TERT: variants seen among roughly 807,000 people sequenced by gnomAD.
TERT encodes telomerase catalytic subunit.
In TERT, 42 loss-of-function variants were observed where a neutral mutation model predicts 104.0. That is an observed-to-expected ratio of 0.40 (90% confidence interval 0.32 to 0.52). The LOEUF (loss-of-function observed/expected upper bound fraction) is 0.52. TERT is among the 20% of genes least tolerant of loss of function. The pLI is 0.43. For missense variants in TERT, 1,101 were observed against 1,610.3 expected, an observed-to-expected ratio of 0.68 and a Z score of 5.41; for synonymous variants, 781 against 725.6, an observed-to-expected ratio of 1.08 and a Z score of -1.23.
rs1030548323 is a variant in TERT, at chr5:1,274,783, C to T, written c.2287-2503G>A. Among the ~76,000 whole-genome samples the T allele has an allele frequency of 6.6e-6, 1 of 152,208 alleles. No homozygotes were observed. The highest frequency in any genetic ancestry group is 1.5e-5 in the Non-Finnish European group (1 of 68,046). On this transcript the variant is annotated intron_variant, in intron 6 of 15. Transcript: ENST00000310581. The surrounding 1 kb of genome is among the most constrained non-coding windows in gnomAD (Gnocchi z 5.3). ...CGGGATCCCTGCTTTAGAGGGAAAA[C>T]GGCAACTTCAGATGCTTGTTTAGAA...
In TERT at chr5:1,258,645, C is replaced by G; in HGVS notation, c.2985G>C (p.Gln995His). ...LFLDLQVNSL[Q>H]TVCTNIYKIL... ...TCTTGTAGATGTTGGTGCACACCGT[C>G]TGGAGGCTGTTCACCTAGAGTCGCC... Residue 995 changes from glutamine to histidine, a missense_variant, in exon 13 of 16, where the codon CAG becomes CAC. Transcript: ENST00000310581. The G allele has an allele frequency of 6.4e-7, 1 of 1,570,152 alleles. No homozygotes were observed. Among genetic ancestry groups the G allele is most frequent in the Non-Finnish European group, 8.6e-7 (1 of 1,156,678 alleles).
At position 1,255,506 on chromosome 5, in the gene TERT, A is replaced by G. The variant is rs1001065909; in HGVS notation, c.3033-95T>C. 16 of 1,502,108 alleles carry G rather than the reference A, an allele frequency of 1.1e-5. No homozygotes were observed. The African/African-American group carries it at 1.6e-4, about 15-fold the overall frequency. The allele number at this position is 1,502,108 out of a possible 1,614,324, so 93.0% of individuals were successfully genotyped here. ...GGCCCACCGGTGCCTGTGTGCGTGC[A>G]TGAATGCACATGCATGGGTTTCCTC... On this transcript the variant is annotated intron_variant, in intron 13 of 15. Coordinates refer to ENST00000310581, the MANE Select transcript of TERT (RefSeq NM_198253.3). The surrounding 1 kb of genome is among the most constrained non-coding windows in gnomAD (Gnocchi z 6.9).
At chr5:1,259,598 T>TGC (rs1748049315) in intron 12 of TERT, among the ~76,000 whole-genome samples, 9 of 71,608 alleles carry the variant, frequency 1.3e-4, no homozygotes, top group Admixed American at 1.9e-4. Flanking sequence ...GGAGTGGACA[T>TGC]GGATGCCCAC....
At chr5:1,281,935 A>G (rs1404494209) in intron 3 of TERT, among the ~76,000 whole-genome samples, 1 of 152,154 alleles carries the variant, frequency 6.6e-6, no homozygotes. Context: ...TAAAAGTACA[A>G]AAATTAGCCA....
At position 1,294,318 on chromosome 5, in the gene TERT, C is replaced by A; in HGVS notation, c.568G>T (p.Ala190Ser). 1.3e-6 allele frequency: 2 copies of A among 1,590,150 alleles called. No individual in the cohort carries two copies. Among genetic ancestry groups the A allele is most frequent in the South Asian group, 2.2e-5 (2 of 89,356 alleles). The change falls in exon 2 of 16, where the codon GCT becomes TCT. Residue 190 changes from alanine (A) to serine (S), a missense_variant. Ala to Ser is a moderately conservative substitution (Grantham distance 99). Coordinates refer to ENST00000310581, the MANE Select transcript of TERT (RefSeq NM_198253.3). ...CCCAGACGCCTTCGGGGTCCACTAG[C>A]GTGTGGCGGGGGCCGGGCCTGAGTG... ...AATQARPPPH[A>S]SGPRRRLGCE... is the part of the protein sequence containing the mutation.
Position 1,282,609 on chromosome 5 carries a change from G to C in TERT, c.1589C>G (p.Pro530Arg). Residue 530 changes from proline to arginine, a missense_variant, in exon 3 of 16, where the codon CCG becomes CGG. Physicochemically the swap from Pro to Arg is moderately radical, Grantham distance 103. Coordinates refer to ENST00000310581, the MANE Select transcript of TERT (RefSeq NM_198253.3). ...CTCACGCAGACGGTGCTCTGCGGCCGGAACACAGCCAACCCCTTAAACGAG... is the reference window on the plus strand; with the variant it reads ...CTCACGCAGACGGTGCTCTGCGGCCCGAACACAGCCAACCCCTTAAACGAG... ...LRRSPGVGCV[P>R]AAEHRLREEI... The C allele has an allele frequency of 6.2e-7, 1 of 1,613,990 alleles. No individual in the cohort carries two copies. Among genetic ancestry groups the C allele is most frequent in the Non-Finnish European group, 8.5e-7 (1 of 1,180,004 alleles).
At chr5:1,289,853 C>T (rs1253326905) in intron 2 of TERT, among the ~76,000 whole-genome samples, 9 of 93,008 alleles carry the variant, frequency 9.7e-5, no homozygotes, top group African/African-American at 4.6e-4. Context: ...GCCTCACTCA[C>T]CCTGCAAGTG....
At chr5:1,267,582 C>A (rs2126604496) in intron 9 of TERT, among the ~76,000 whole-genome samples, 1 of 152,350 alleles carries the variant, frequency 6.6e-6, no homozygotes, top group South Asian at 2.1e-4. Flanking sequence ...TTGCAACCAA[C>A]CCAAATGTCC....
chr5:1,287,366 G>T lies in TERT; in HGVS notation c.1574-4742C>A, dbSNP rs532914935. Reference sequence around the variant, plus strand: ...AATTTAAAAATTAGCCAGGTGTAGCGGTGCGTGTCTGCAGTTCCAGCTATT... The same window carrying T: ...AATTTAAAAATTAGCCAGGTGTAGCTGTGCGTGTCTGCAGTTCCAGCTATT... On this transcript the variant is annotated intron_variant, in intron 2 of 15. Transcript: ENST00000310581. This position sits in a 1 kb window ranked among gnomAD's most constrained non-coding sequence, Gnocchi z 4.3. 6.6e-6 allele frequency among the ~76,000 whole-genome samples: 1 copy of T among 151,712 alleles called. No individual in the cohort carries two copies. The highest frequency in any genetic ancestry group is 1.5e-5 in the Non-Finnish European group (1 of 67,898).
intron 6 of TERT, among the ~76,000 whole-genome samples, chr5:1,278,304 A>T (rs1749754971): frequency 1.3e-5 from 2 of 152,268 alleles, no homozygotes; most frequent in Admixed American, 1.3e-4. Context: ...ATAGACACGC[A>T]TATGTCACGG....
chr5:1,290,649 C>A (rs1371993687), intron 2 of TERT, among the ~76,000 whole-genome samples: 1 of 73,092 alleles, frequency 1.4e-5, no homozygotes, highest in East Asian at 3.4e-4. Context: ...GTGCCTCACT[C>A]ACCCTACACG....
chr5:1,254,829 G>C (rs1015868983), intron 14 of TERT, among the ~76,000 whole-genome samples: 1 of 152,204 alleles, frequency 6.6e-6, no homozygotes, highest in Non-Finnish European at 1.5e-5. Context: ...AGCAGAGGAC[G>C]GCGCGGGGCT....
chr5:1,274,329 C>T lies in TERT; in HGVS notation c.2287-2049G>A, dbSNP rs112023197. Among the ~76,000 whole-genome samples the T allele has an allele frequency of 4.5e-3, 682 of 152,302 alleles. 3 individuals carry two copies. Among genetic ancestry groups the T allele is most frequent in the African/African-American group, 0.015 (641 of 41,570 alleles). On this transcript the variant is annotated intron_variant, in intron 6 of 15. Coordinates refer to ENST00000310581, the MANE Select transcript of TERT (RefSeq NM_198253.3). This position sits in a 1 kb window ranked among gnomAD's most constrained non-coding sequence, Gnocchi z 5.3. ...AAATAGCCCATGGGTCTGAGGTCGG[C>T]GGAAAGCATCACAGAAATCCGTAAT...
chr5:1,291,843 CA>C (rs1219684746), intron 2 of TERT, among the ~76,000 whole-genome samples: 3 of 152,218 alleles, frequency 2.0e-5, no homozygotes, highest in Non-Finnish European at 4.4e-5. Flanking sequence ...CAATGACAGG[CA>C]GAGTCCTGAT....
At chr5:1,284,557 G>A (rs1325228740) in intron 2 of TERT, among the ~76,000 whole-genome samples, 1 of 146,944 alleles carries the variant, frequency 6.8e-6, no homozygotes, top group Admixed American at 6.7e-5. Flanking sequence ...GCTCACCGCA[G>A]GGTCTGGCGA....
At chr5:1,266,953 C>A (rs1748649308) in intron 9 of TERT, among the ~76,000 whole-genome samples, 1 of 152,202 alleles carries the variant, frequency 6.6e-6, no homozygotes, top group Admixed American at 6.5e-5. Flanking sequence ...CAGATCCTAT[C>A]CACAGGAAGC....
At chr5:1,254,344 G>C (rs1406428770) in intron 15 of TERT, 24 bp downstream of exon 15, 1 of 1,612,916 alleles carries the variant, frequency 6.2e-7, no homozygotes, top group South Asian at 1.1e-5. Context: ...GGTGGGGCCC[G>C]CACTGGCCTC....
intron 6 of TERT, among the ~76,000 whole-genome samples, chr5:1,273,056 CTGTG>C: frequency 9.0e-6 from 1 of 111,296 alleles, no homozygotes; most frequent in Admixed American, 8.8e-5. Context: ...CATCAGACCC[CTGTG>C]ACCGATCACC....
At chr5:1,258,137 G>A (rs1290324430) in intron 13 of TERT, among the ~76,000 whole-genome samples, 1 of 152,224 alleles carries the variant, frequency 6.6e-6, no homozygotes, top group Admixed American at 6.5e-5. Context: ...TGTGTGGGGA[G>A]CCACAGCTCT....
Sources: gnomAD v4.1 joint callset for allele counts (sites outside exome capture counted in the v4.1 genomes callset) on GRCh38, gnomAD v4.1.1 for gene constraint, Gnocchi (gnomAD v3.1) non-coding constraint, MANE v1.5 for transcripts, NCBI Gene and HGNC (gene_info 2026-07-23, HGNC 2026-07-21) for gene names.